Variants in ACTR3 observed in about 807,000 individuals in gnomAD.
The protein encoded by ACTR3 is actin-related protein 3.
A neutral mutation model predicts 56.8 loss-of-function variants in ACTR3; 12 were observed. That is an observed-to-expected ratio of 0.21 (90% CI 0.14 to 0.34). The LOEUF is 0.34. Among genes scored for constraint, ACTR3 ranks in the 10% least tolerant of loss-of-function variants. The pLI is 1.00. For missense variants in ACTR3, 282 were observed against 512.5 expected, an observed-to-expected ratio of 0.55 and a Z score of 4.34; for synonymous variants, 162 against 167.4, an observed-to-expected ratio of 0.97 and a Z score of 0.25.
chr2:113,931,279 A>G (rs1391580413), intron 4 of ACTR3, 22 bp from the exon 5 acceptor site: 1 of 1,394,650 alleles, frequency 7.2e-7, no homozygotes, highest in South Asian at 1.4e-5. Context: ...TTATCTATTT[A>G]AAATGTTATT....
At chr2:113,919,492 C>A (rs1679466892) in intron 3 of ACTR3, among the ~76,000 whole-genome samples, 1 of 151,976 alleles carries the variant, frequency 6.6e-6, no homozygotes, top group Admixed American at 6.6e-5. Flanking sequence ...TAACATGGTA[C>A]CCTACTTCCT....
At chr2:113,948,142 A>T (rs1025262060) in intron 8 of ACTR3, among the ~76,000 whole-genome samples, 10 of 151,840 alleles carry the variant, frequency 6.6e-5, no homozygotes, top group African/African-American at 9.7e-5. Flanking sequence ...GCAACTTCAA[A>T]TTTTTTTTCA....
chr2:113,959,790 G>A lies in ACTR3; in HGVS notation c.*2335G>A, dbSNP rs936554315. 6.6e-6 allele frequency: 1 copy of A among 152,048 alleles called. No homozygotes were observed. Among genetic ancestry groups the A allele is most frequent in the Non-Finnish European group, 1.5e-5 (1 of 67,924 alleles). The allele number at this position is 152,048 out of a possible 1,614,324, so 9.4% of individuals were successfully genotyped here. A position where few individuals can be genotyped will look rare whatever the true frequency, so the allele number is the denominator to read the frequency against. ...TAACATTGATTAGATATCAAGCAAC[G>A]TGAGCATGGTAGCAAAAGCACTAAC... On this transcript the variant is annotated 3_prime_UTR_variant, in exon 12 of 12. Transcript: ENST00000263238.
chr2:113,893,606 T>A (rs1380357962), intron 1 of ACTR3, among the ~76,000 whole-genome samples: 2 of 152,310 alleles, frequency 1.3e-5, no homozygotes, highest in Non-Finnish European at 2.9e-5. Context: ...AGGTTTTTTT[T>A]AAATGCATGT....
intron 8 of ACTR3, among the ~76,000 whole-genome samples, chr2:113,948,670 A>G (rs929452266): frequency 4.7e-4 from 72 of 152,262 alleles, no homozygotes; most frequent in African/African-American, 1.6e-3. Flanking sequence ...TTCCCTTCCT[A>G]TAAGTAACTT....
intron 5 of ACTR3, among the ~76,000 whole-genome samples, chr2:113,931,890 T>A (rs74893190): frequency 6.9e-6 from 1 of 143,942 alleles, no homozygotes; most frequent in South Asian, 2.2e-4. Flanking sequence ...GCTGACCTCA[T>A]TTTTTTTTTT....
At chr2:113,937,349 A>G (rs1679847636) in intron 6 of ACTR3, among the ~76,000 whole-genome samples, 1 of 152,038 alleles carries the variant, frequency 6.6e-6, no homozygotes, top group Non-Finnish European at 1.5e-5. Context: ...CAAGTGATCC[A>G]CCTGCCTTGG....
At chr2:113,910,852 G>T (rs1461476946) in intron 1 of ACTR3, among the ~76,000 whole-genome samples, 1 of 152,152 alleles carries the variant, frequency 6.6e-6, no homozygotes, top group Admixed American at 6.5e-5. Flanking sequence ...GTATTGTTGG[G>T]TATAGCAGCT....
At position 113,891,696 on chromosome 2, in the gene ACTR3, A is replaced by G. The variant is rs191221873; in HGVS notation, c.44+1373A>G. 1.4e-3 allele frequency among the ~76,000 whole-genome samples: 217 copies of G among 151,950 alleles called. 1 individual carries two copies. Among genetic ancestry groups the G allele is most frequent in the Non-Finnish European group, 2.8e-3 (190 of 67,982 alleles). ...TGTGTGTCCTTCACTCTTTATGTGA[A>G]ATTTCTTTAATCTTCATTCTCATAA... On this transcript the variant is annotated intron_variant, in intron 1 of 11. Transcript: ENST00000263238.
chr2:113,949,377 C>CAAAAAAAAAAAA (rs1167037648), intron 8 of ACTR3, among the ~76,000 whole-genome samples: 21 of 57,376 alleles, frequency 3.7e-4, no homozygotes, highest in South Asian at 6.4e-4. Flanking sequence ...GACTCGGTCT[C>CAAAAAAAAAAAA]AAAAAAAAAA....
At chr2:113,949,377 C>CAAAAAAAAAAAAAA (rs1167037648) in intron 8 of ACTR3, among the ~76,000 whole-genome samples, 1 of 57,696 alleles carries the variant, frequency 1.7e-5, no homozygotes, top group Non-Finnish European at 3.3e-5. Context: ...GACTCGGTCT[C>CAAAAAAAAAAAAAA]AAAAAAAAAA....
At chr2:113,903,989 TG>T in intron 1 of ACTR3, 1 of 152,312 alleles carries the variant, frequency 6.6e-6, no homozygotes, top group Non-Finnish European at 1.5e-5. Context: ...CCTGAGTAGC[TG>T]GGACCACAGG....
chr2:113,952,141 A>G (rs781585288), intron 10 of ACTR3: 11 of 246,338 alleles, frequency 4.5e-5, no homozygotes, highest in Non-Finnish European at 6.4e-5. Flanking sequence ...TACACCAACA[A>G]TCAAATTAAT....
At chr2:113,932,075 G>GA (rs1679733554) in intron 5 of ACTR3, among the ~76,000 whole-genome samples, 1 of 152,178 alleles carries the variant, frequency 6.6e-6, no homozygotes, top group South Asian at 2.1e-4. Context: ...CCAGGCAGCT[G>GA]AGGTCTGTCT....
In ACTR3 at chr2:113,959,934, A is replaced by G. The variant is rs1680296072; in HGVS notation, c.*2479A>G. The G allele has an allele frequency of 6.6e-6, 1 of 152,036 alleles. No individual in the cohort carries two copies. Among genetic ancestry groups the G allele is most frequent in the African/African-American group, 2.4e-5 (1 of 41,442 alleles). The allele number at this position is 152,036 out of a possible 1,614,324, so 9.4% of individuals were successfully genotyped here. A position where few individuals can be genotyped will look rare whatever the true frequency, so the allele number is the denominator to read the frequency against. On this transcript the variant is annotated 3_prime_UTR_variant, in exon 12 of 12. Transcript: ENST00000263238. ...TGTATTATTTTGGACAAATTATTTG[A>G]ACTCTCTGGACCTTGATTCAATTTA...
At chr2:113,929,130 G>GA (rs752073745) in intron 4 of ACTR3, among the ~76,000 whole-genome samples, 1 of 147,602 alleles carries the variant, frequency 6.8e-6, no homozygotes, top group African/African-American at 2.5e-5. Context: ...GGCTATTTTT[G>GA]TTTTTTTTTT....
intron 6 of ACTR3, among the ~76,000 whole-genome samples, chr2:113,939,595 T>C (rs1679889023): frequency 1.3e-5 from 2 of 152,346 alleles, no homozygotes; most frequent in African/African-American, 2.4e-5. Context: ...ATAAGCACTT[T>C]GTCACATTTC....
At chr2:113,911,736 A>G (rs1245856842) in intron 1 of ACTR3, among the ~76,000 whole-genome samples, 3 of 151,446 alleles carry the variant, frequency 2.0e-5, no homozygotes, top group South Asian at 2.1e-4. Context: ...GATATTGTTT[A>G]TTTATTTGTT....
intron 7 of ACTR3, among the ~76,000 whole-genome samples, chr2:113,941,609 ATGT>A (rs1679926335): frequency 6.6e-6 from 1 of 152,150 alleles, no homozygotes; most frequent in Admixed American, 6.5e-5. Context: ...TACAAATATG[ATGT>A]TATAATCTAT....
Sources: gnomAD v4.1 joint callset for allele counts (sites outside exome capture counted in the v4.1 genomes callset) on GRCh38, gnomAD v4.1.1 for gene constraint, MANE v1.5 for transcripts, NCBI Gene and HGNC (gene_info 2026-07-23, HGNC 2026-07-21) for gene names.